Variants in ANK3 observed in about 807,000 individuals in gnomAD.
ANK3 encodes the protein ankyrin 3.
A neutral mutation model predicts 370.9 loss-of-function variants in ANK3; 57 were observed. That is an observed-to-expected ratio of 0.15 (90% CI 0.12 to 0.19). ANK3 has a LOEUF of 0.19. Ranked by LOEUF, ANK3 falls within the 10% of genes least tolerant of loss-of-function variation. The pLI, the probability that ANK3 is intolerant of heterozygous loss-of-function variation, is 1.00. For missense variants in ANK3, 4,439 were observed against 5,302.1 expected, an observed-to-expected ratio of 0.84 and a Z score of 5.06; for synonymous variants, 1,929 against 1,946.3, an observed-to-expected ratio of 0.99 and a Z score of 0.23.
chr10:60,163,319 A>G (rs2132286306), intron 23 of ANK3, among the ~76,000 whole-genome samples: 1 of 152,286 alleles, frequency 6.6e-6, no homozygotes, highest in South Asian at 2.1e-4. Flanking sequence ...CTACAAATGC[A>G]TCTGACCCTC....
chr10:60,443,651 C>T (rs1796558812), intron 2 of ANK3, among the ~76,000 whole-genome samples: 1 of 152,040 alleles, frequency 6.6e-6, no homozygotes, highest in African/African-American at 2.4e-5. Context: ...AAAAAGATGA[C>T]TAAAAATAAA....
intron 23 of ANK3, among the ~76,000 whole-genome samples, chr10:60,150,494 T>C (rs979263649): frequency 1.1e-4 from 16 of 152,192 alleles, no homozygotes; most frequent in African/African-American, 3.9e-4. Context: ...GCACCTGACA[T>C]GGTTTGGATG....
chr10:60,567,706 A>G (rs1312781483), intron 2 of ANK3, among the ~76,000 whole-genome samples: 1 of 152,224 alleles, frequency 6.6e-6, no homozygotes, highest in Non-Finnish European at 1.5e-5. Context: ...AGTAAATTGA[A>G]TATCTTTTGG....
intron 23 of ANK3, 148 bp downstream of exon 23, chr10:60,166,443 T>TA: frequency 1.5e-6 from 1 of 649,750 alleles, no homozygotes; most frequent in Non-Finnish European, 2.7e-6. Flanking sequence ...TAGTACCAGA[T>TA]ATACATTATT....
chr10:60,090,010 A>G (rs552677710), intron 28 of ANK3, among the ~76,000 whole-genome samples: 1 of 152,158 alleles, frequency 6.6e-6, no homozygotes, highest in Non-Finnish European at 1.5e-5. Flanking sequence ...ACATTTGCTT[A>G]GGAGACAACT....
chr10:60,166,469 TTAA>T (rs1293631420), intron 23 of ANK3, 119 bp downstream of exon 23: 7 of 745,938 alleles, frequency 9.4e-6, no homozygotes, highest in Non-Finnish European at 1.3e-5. Context: ...AATACACAAA[TTAA>T]TAATCTCAAG....
chr10:60,330,971 A>G (rs2051111272), intron 1 of ANK3, among the ~76,000 whole-genome samples: 1 of 152,214 alleles, frequency 6.6e-6, no homozygotes, highest in Admixed American at 6.5e-5. Context: ...TTGCAGGGAC[A>G]TGGATGAAGC....
chr10:60,506,686 C>A (rs998058187), intron 2 of ANK3, among the ~76,000 whole-genome samples: 1 of 151,950 alleles, frequency 6.6e-6, no homozygotes, highest in Non-Finnish European at 1.5e-5. Context: ...CTTATTGGGT[C>A]AAAGCATAAT....
intron 7 of ANK3, among the ~76,000 whole-genome samples, chr10:60,236,536 A>T (rs1411278425): frequency 6.6e-6 from 1 of 151,832 alleles, no homozygotes; most frequent in Non-Finnish European, 1.5e-5. Context: ...CCTGGATTTG[A>T]CTGATTGAGT....
intron 1 of ANK3, among the ~76,000 whole-genome samples, chr10:60,696,067 G>T (rs1436214906): frequency 6.6e-6 from 1 of 150,682 alleles, no homozygotes; most frequent in African/African-American, 2.5e-5. Context: ...TGATAAAGGG[G>T]ATATCACCAC....
chr10:60,477,508 G>GACATACAC lies in ANK3; in HGVS notation c.96+137677_96+137678insGTGTATGT, dbSNP rs1279888980. ...AAATATACATACCTACTGACAGACA[G>GACATACAC]ACAGACATACACACACACACACACA... On this transcript the variant is annotated intron_variant, in intron 2 of 43. Coordinates refer to the ANK3 transcript ENST00000373827. 1.2e-3 allele frequency among the ~76,000 whole-genome samples: 135 copies of GACATACAC among 116,540 alleles called. 1 individual carries two copies. Among genetic ancestry groups the GACATACAC allele is most frequent in the Non-Finnish European group, 1.8e-3 (95 of 54,012 alleles). The allele number at this position is 116,540 out of a possible 152,430, so 76.5% of individuals were successfully genotyped here.
chr10:60,553,174 G>C (rs72822818), intron 2 of ANK3, among the ~76,000 whole-genome samples: 45,989 of 152,022 alleles, frequency 0.3, 7,611 homozygotes, highest in Non-Finnish European at 0.38. Flanking sequence ...TCCCTAATAC[G>C]GGGAGGTGCT....
At chr10:60,195,042 A>G (rs1270855018) in intron 16 of ANK3, among the ~76,000 whole-genome samples, 6 of 152,168 alleles carry the variant, frequency 3.9e-5, no homozygotes, top group Non-Finnish European at 4.4e-5. Flanking sequence ...ATTAGGTTTA[A>G]AGGAGAGCAC....
At chr10:60,140,418 C>A (rs1186317951) in intron 23 of ANK3, 1 of 1,613,394 alleles carries the variant, frequency 6.2e-7, no homozygotes, top group Admixed American at 1.7e-5. Context: ...CCAGGAATTC[C>A]TTAAGCAGTG....
intron 2 of ANK3, among the ~76,000 whole-genome samples, chr10:60,524,534 C>G (rs1232190139): frequency 2.0e-5 from 3 of 152,108 alleles, no homozygotes; most frequent in African/African-American, 4.8e-5. Context: ...CACAAGCTCT[C>G]TCTTTGCCTG....
chr10:60,621,543 G>A (rs1006501284), intron 1 of ANK3, among the ~76,000 whole-genome samples: 5 of 152,132 alleles, frequency 3.3e-5, no homozygotes, highest in South Asian at 2.1e-4. Flanking sequence ...TCCTGGGGTC[G>A]TGTAATTCAT....
chr10:60,135,513 G>A (rs1290481612), intron 24 of ANK3, among the ~76,000 whole-genome samples: 1 of 152,234 alleles, frequency 6.6e-6, no homozygotes, highest in Non-Finnish European at 1.5e-5. Flanking sequence ...TTGTTCTGGT[G>A]TCCTTTTAGG....
intron 2 of ANK3, among the ~76,000 whole-genome samples, chr10:60,544,967 T>A (rs1430467475): frequency 3.5e-5 from 1 of 28,174 alleles, no homozygotes; most frequent in Non-Finnish European, 9.9e-5. Flanking sequence ...AATGGAGTGT[T>A]GTGCCATGTT....
intron 2 of ANK3, among the ~76,000 whole-genome samples, chr10:60,501,462 T>C (rs1011691995): frequency 7.2e-5 from 11 of 152,266 alleles, no homozygotes; most frequent in African/African-American, 2.2e-4. Context: ...CTCAGCATTT[T>C]AGGAGGCCGA....
Sources: gnomAD v4.1 joint callset for allele counts (sites outside exome capture counted in the v4.1 genomes callset) on GRCh38, gnomAD v4.1.1 for gene constraint, MANE v1.5 for transcripts, NCBI Gene and HGNC (gene_info 2026-07-23, HGNC 2026-07-21) for gene names.